Variants in TMEM47 observed in about 807,000 individuals in gnomAD.
The protein encoded by TMEM47 is brain cell membrane protein 1.
A neutral mutation model predicts 12.4 loss-of-function variants in TMEM47; 3 were observed. The ratio of observed to expected loss-of-function variants is 0.24; its 90% CI spans 0.11 to 0.63. The LOEUF is 0.63. TMEM47 is among the 20% of genes least tolerant of loss of function. The probability of loss-of-function intolerance (pLI) is 0.86; values close to 1 mark genes in which losing one functional copy is unlikely to be tolerated. For synonymous variants in TMEM47, 62 were observed against 63.3 expected (o/e 0.98, Z 0.10); for missense variants, 89 against 143.8 (o/e 0.62, Z 1.95).
intron 2 of TMEM47, among the ~76,000 whole-genome samples, chrX:34,633,245 G>A (rs778103288): frequency 8.9e-6 from 1 of 112,222 alleles, no homozygotes; most frequent in South Asian, 3.7e-4. Context: ...AGAAATGCAA[G>A]AAAGCAGACA....
chrX:34,642,623 T>C (rs1921839653), intron 1 of TMEM47, among the ~76,000 whole-genome samples: 1 of 112,318 alleles, frequency 8.9e-6, no homozygotes. Context: ...TTGTGGCTAA[T>C]GACAAAGTTA....
chrX:34,637,867 A>AT (rs1185703540), intron 2 of TMEM47, among the ~76,000 whole-genome samples: 4 of 109,076 alleles, frequency 3.7e-5, no homozygotes, highest in East Asian at 2.9e-4. Flanking sequence ...TACTTTTATT[A>AT]TTTTTTTTTC....
chrX:34,650,596 T>C (rs1922001018), intron 1 of TMEM47, among the ~76,000 whole-genome samples: 1 of 112,336 alleles, frequency 8.9e-6, no homozygotes, highest in African/African-American at 3.2e-5. Flanking sequence ...AACACTTCTC[T>C]AGCACTATAA....
At chrX:34,641,725 T>C (rs1162673619) in intron 1 of TMEM47, among the ~76,000 whole-genome samples, 1 of 112,489 alleles carries the variant, frequency 8.9e-6, no homozygotes, top group African/African-American at 3.2e-5. Context: ...AAACTTTCCA[T>C]ATAAAGGGCC....
intron 2 of TMEM47, among the ~76,000 whole-genome samples, chrX:34,631,315 T>C (rs924108186): frequency 9.1e-6 from 1 of 110,222 alleles, no homozygotes; most frequent in Non-Finnish European, 1.9e-5. Context: ...TGAGTGATAA[T>C]GTGCTTTTGA....
At chrX:34,649,517 A>G (rs1463869208) in intron 1 of TMEM47, among the ~76,000 whole-genome samples, 1 of 110,523 alleles carries the variant, frequency 9.0e-6, no homozygotes, top group Non-Finnish European at 1.9e-5. Context: ...GTGAACACAA[A>G]GAAGGGAATA....
Position 34,629,931 on chromosome X carries a change from G to T in TMEM47, c.*382C>A. 8.1e-6 allele frequency: 1 copy of T among 123,189 alleles called. No individual in the cohort carries two copies. Among genetic ancestry groups the T allele is most frequent in the Admixed American group, 8.6e-5 (1 of 11,573 alleles). The allele number at this position is 123,189 out of a possible 1,213,427, so 10.2% of individuals were successfully genotyped here. On this transcript the variant is annotated 3_prime_UTR_variant, in exon 3 of 3. Coordinates refer to ENST00000275954, the MANE Select transcript of TMEM47 (RefSeq NM_031442.4). ...GGCTCTAACAGTGGAATCCTTGTCA[G>T]CGCAAAGGAACTTCTAAATGTTGCT...
chrX:34,632,587 T>C (rs760355585), intron 2 of TMEM47, among the ~76,000 whole-genome samples: 37 of 111,933 alleles, frequency 3.3e-4, no homozygotes, highest in African/African-American at 1.0e-3. Flanking sequence ...ACACCCAACA[T>C]TTCTGCCGTG....
At position 34,656,832 on chromosome X, in the gene TMEM47, G is replaced by C; in HGVS notation, c.198C>G (p.Ile66Met). The C allele has an allele frequency of 8.5e-7, 1 of 1,169,751 alleles. No individual in the cohort carries two copies. Among genetic ancestry groups the C allele is most frequent in the Non-Finnish European group, 1.1e-6 (1 of 874,602 alleles). Residue 66 changes from isoleucine (I) to methionine (M), a missense_variant, in exon 1 of 3, where the codon ATC (isoleucine) becomes ATG (methionine). Ile to Met is a conservative substitution (Grantham distance 10). Coordinates refer to ENST00000275954, the MANE Select transcript of TMEM47 (RefSeq NM_031442.4). ...TGCTGAGCGTGGACTCGCAGTGCCA[G>C]ATGTCCAAGCTGGCGGGTTTCCGGC... ...ESCRKPASLD[I>M]WHCESTLSSD...
Position 34,657,047 on chromosome X carries a change from G to A in TMEM47, c.-18C>T. The A allele has an allele frequency of 8.9e-7, 1 of 1,129,748 alleles. No homozygotes were observed. The highest frequency in any genetic ancestry group is 1.2e-6 in the Non-Finnish European group (1 of 853,065). The allele number at this position is 1,129,748 out of a possible 1,213,427, so 93.1% of individuals were successfully genotyped here. A position where few individuals can be genotyped will look rare whatever the true frequency, so the allele number is the denominator to read the frequency against. ...GAAGCCATTCCTGGGCGCCGCTGTC[G>A]TCCGCCCCGCCGCAGGCGAGGACGC... On this transcript the variant is annotated 5_prime_UTR_variant, in exon 1 of 3. In the 5' UTR this introduces an upstream ATG that the reference lacks. Transcript: ENST00000275954.
intron 2 of TMEM47, among the ~76,000 whole-genome samples, chrX:34,634,685 GAGAA>G (rs1355332469): frequency 8.9e-6 from 1 of 112,289 alleles, no homozygotes; most frequent in Non-Finnish European, 1.9e-5. Flanking sequence ...ATTCAGCTTA[GAGAA>G]AGAAAGGAGG....
chrX:34,656,928 G>A lies in TMEM47; in HGVS notation c.102C>T (p.Asp34=), dbSNP rs751567383. ...LVCIFLALCL[D]LGAVLSPAWV... ...AGGCCGGGCTCAGCACCGCCCCCAGGTCCAGACACAGCGCCAGGAAGATGC... is the reference window on the plus strand; with the variant it reads ...AGGCCGGGCTCAGCACCGCCCCCAGATCCAGACACAGCGCCAGGAAGATGC... The change falls in exon 1 of 3, where the codon GAC becomes GAT. Residue 34 remains aspartate (D), a synonymous_variant. Coordinates refer to ENST00000275954, the MANE Select transcript of TMEM47 (RefSeq NM_031442.4). 5 of 1,186,036 alleles carry A rather than the reference G, an allele frequency of 4.2e-6. No homozygotes were observed. Among genetic ancestry groups the A allele is most frequent in the Non-Finnish European group, 5.7e-6 (5 of 882,699 alleles).
At chrX:34,649,379 C>A (rs72626899) in intron 1 of TMEM47, among the ~76,000 whole-genome samples, 1 of 111,266 alleles carries the variant, frequency 9.0e-6, no homozygotes, top group South Asian at 3.8e-4. Context: ...GAAAAAAAAC[C>A]GAGGTCATGC....
chrX:34,650,847 T>C (rs1922005762), intron 1 of TMEM47, among the ~76,000 whole-genome samples: 1 of 111,799 alleles, frequency 8.9e-6, no homozygotes, highest in African/African-American at 3.3e-5. Flanking sequence ...GTTCATTCCA[T>C]CTCATATCCA....
intron 1 of TMEM47, among the ~76,000 whole-genome samples, chrX:34,643,240 G>A (rs1171207222): frequency 9.0e-6 from 1 of 110,895 alleles, no homozygotes; most frequent in Non-Finnish European, 1.9e-5. Context: ...CCTACTAATG[G>A]CTATTAAAAT....
At position 34,628,304 on chromosome X, in the gene TMEM47, C is replaced by T. The variant is rs940237739; in HGVS notation, c.*2009G>A. The T allele has an allele frequency of 9.0e-6, 1 of 111,544 alleles. No homozygotes were observed. The highest frequency in any genetic ancestry group is 3.3e-5 in the African/African-American group (1 of 30,700). The allele number at this position is 111,544 out of a possible 1,213,427, so 9.2% of individuals were successfully genotyped here. A position where few individuals can be genotyped will look rare whatever the true frequency, so the allele number is the denominator to read the frequency against. On this transcript the variant is annotated 3_prime_UTR_variant, in exon 3 of 3. Transcript: ENST00000275954. ...GCAATTAACTGCAAGACACTCTGCC[C>T]CAGATTTTACTATTTCTCAAAAAAT...
chrX:34,642,046 T>C (rs7471470), intron 1 of TMEM47, among the ~76,000 whole-genome samples: 30,773 of 110,630 alleles, frequency 0.28, 3,294 homozygotes, highest in East Asian at 0.65. Context: ...TAGTAGAGAC[T>C]GGGTTTCACC....
chrX:34,643,241 C>T (rs761295176), intron 1 of TMEM47, among the ~76,000 whole-genome samples: 5 of 111,137 alleles, frequency 4.5e-5, no homozygotes, highest in Non-Finnish European at 9.4e-5. Context: ...CTACTAATGG[C>T]TATTAAAATA....
chrX:34,643,537 T>C (rs1921855569), intron 1 of TMEM47, among the ~76,000 whole-genome samples: 2 of 112,102 alleles, frequency 1.8e-5, no homozygotes, highest in African/African-American at 6.5e-5. Context: ...GTTTTCACAA[T>C]CAGTTAATTT....
Sources: gnomAD v4.1 joint callset for allele counts (sites outside exome capture counted in the v4.1 genomes callset) on GRCh38, gnomAD v4.1.1 for gene constraint, MANE v1.5 for transcripts, NCBI Gene and HGNC (gene_info 2026-07-23, HGNC 2026-07-21) for gene names.